CEACAM8: variants seen among roughly 807,000 people sequenced by gnomAD.
The protein encoded by CEACAM8 is CEA cell adhesion molecule 8.
CEACAM8 carries 31 observed loss-of-function variants against 33.4 expected under a neutral mutation model. The observed-to-expected ratio is 0.93, with a 90% CI of 0.70 to 1.25. The LOEUF is 1.25. Ranked by LOEUF, CEACAM8 falls within the 50% of genes most tolerant of loss-of-function variation. The pLI is 0.00. For missense variants in CEACAM8, 388 were observed against 434.6 expected, an observed-to-expected ratio of 0.89 and a Z score of 0.95; for synonymous variants, 138 against 164.5, an observed-to-expected ratio of 0.84 and a Z score of 1.23.
chr19:42,581,146 T>C lies in CEACAM8; in HGVS notation c.*248A>G, dbSNP rs2042252976. 6.6e-6 allele frequency: 1 copy of C among 152,150 alleles called. No individual in the cohort carries two copies. Among genetic ancestry groups the C allele is most frequent in the South Asian group, 2.1e-4 (1 of 4,826 alleles). The allele number at this position is 152,150 out of a possible 1,614,324, so 9.4% of individuals were successfully genotyped here. The stretch of plus-strand genomic sequence containing the variant: ...ATTATTTAGTTCAATGAAATTCATG[T>C]TTTTTTCCTTCTGTGTTTTGGTGGG... On this transcript the variant is annotated 3_prime_UTR_variant, in exon 6 of 6. Transcript: ENST00000244336.
At chr19:42,582,549 T>C (rs1464516724) in intron 5 of CEACAM8, among the ~76,000 whole-genome samples, 6 of 152,158 alleles carry the variant, frequency 3.9e-5, no homozygotes, top group Non-Finnish European at 8.8e-5. Flanking sequence ...CAGAGGTTGC[T>C]TGCTTTGAAG....
chr19:42,593,361 A>C (rs916488331), intron 2 of CEACAM8, among the ~76,000 whole-genome samples, 180 bp downstream of exon 2: 4 of 152,196 alleles, frequency 2.6e-5, no homozygotes, highest in African/African-American at 9.6e-5. Context: ...GTCTGGATGC[A>C]GGAAAGGAAT....
chr19:42,588,194 C>G (rs2042368938), intron 4 of CEACAM8, among the ~76,000 whole-genome samples: 1 of 152,138 alleles, frequency 6.6e-6, no homozygotes, highest in Non-Finnish European at 1.5e-5. Context: ...CAACTGGCAA[C>G]TTGATTTAGC....
intron 1 of CEACAM8, 58 bp downstream of exon 1, chr19:42,594,706 AC>A: frequency 7.1e-7 from 1 of 1,402,480 alleles, no homozygotes; most frequent in Non-Finnish European, 1.0e-6. Flanking sequence ...TCCCCAGGAG[AC>A]CCCAGCCAGT....
At chr19:42,581,941 A>ATATATG (rs2042267602) in intron 5 of CEACAM8, among the ~76,000 whole-genome samples, 1 of 127,790 alleles carries the variant, frequency 7.8e-6, no homozygotes, top group South Asian at 2.7e-4. Context: ...ATATATATAT[A>ATATATG]TATATAAAAT....
intron 4 of CEACAM8, among the ~76,000 whole-genome samples, chr19:42,584,203 T>TACACACACACACACAC (rs568291319): frequency 2.2e-4 from 33 of 149,132 alleles, no homozygotes; most frequent in African/African-American, 7.9e-4. Context: ...AGATACCTTT[T>TACACACACACACACAC]ACACACACAC....
intron 4 of CEACAM8, among the ~76,000 whole-genome samples, chr19:42,587,925 C>T (rs1305293547): frequency 6.6e-6 from 1 of 152,174 alleles, no homozygotes; most frequent in Non-Finnish European, 1.5e-5. Context: ...ATTGCTTGAA[C>T]CCAGGAGGCG....
At chr19:42,584,359 T>TA (rs1190528187) in intron 4 of CEACAM8, among the ~76,000 whole-genome samples, 1 of 152,254 alleles carries the variant, frequency 6.6e-6, no homozygotes, top group Non-Finnish European at 1.5e-5. Context: ...GGCCCTGTGC[T>TA]AAATACTTTA....
chr19:42,582,721 G>A (rs771257087), intron 5 of CEACAM8, among the ~76,000 whole-genome samples: 42 of 152,148 alleles, frequency 2.8e-4, no homozygotes, highest in Non-Finnish European at 1.0e-4. Context: ...AGGGAGTAGA[G>A]GGAATGGAAG....
Position 42,593,887 on chromosome 19 carries a change from G to A in CEACAM8, c.78C>T (p.Thr26=), listed in dbSNP as rs138559887. Residue 26 remains threonine (T), a synonymous_variant, in exon 2 of 6, where the codon ACC becomes ACT. Coordinates refer to ENST00000244336, the MANE Select transcript of CEACAM8 (RefSeq NM_001816.4). ...QGLLLTASLF[T]FWNPPTTAQL... is the part of the protein sequence containing the mutation. ...GAGCAGTGGTGGGCGGGTTCCAGAA[G>A]GTGAAAAGTGAGGCTAGGAGGGGGA... 367 of 1,589,068 alleles carry A rather than the reference G, an allele frequency of 2.3e-4. 1 individual carries two copies. In the Middle Eastern group the frequency reaches 2.4e-3, roughly 10 times the overall value.
intron 2 of CEACAM8, among the ~76,000 whole-genome samples, chr19:42,593,336 G>A (rs542680216): frequency 3.3e-5 from 5 of 152,314 alleles, no homozygotes; most frequent in South Asian, 2.1e-4. Context: ...TTCCTCTGCC[G>A]TGAGTGTCTG....
chr19:42,592,293 A>C (rs1033774030), intron 2 of CEACAM8, among the ~76,000 whole-genome samples: 1 of 151,132 alleles, frequency 6.6e-6, no homozygotes, highest in Non-Finnish European at 1.5e-5. Flanking sequence ...GTTTCTTCTC[A>C]ATAATAAGCT....
At chr19:42,592,597 CAA>C (rs922130468) in intron 2 of CEACAM8, among the ~76,000 whole-genome samples, 14 of 41,852 alleles carry the variant, frequency 3.3e-4, no homozygotes, top group East Asian at 2.1e-3. Context: ...GACTCCGTCT[CAA>C]AAAAAAAAAA....
In CEACAM8 at chr19:42,589,704, G is replaced by C; in HGVS notation, c.456C>G (p.Asn152Lys). Residue 152 changes from asparagine to lysine, a missense_variant, in exon 3 of 6, where the codon AAC (asparagine) becomes AAG (lysine). By Grantham distance (94) the Asn-to-Lys change is moderately conservative. Coordinates refer to ENST00000244336, the MANE Select transcript of CEACAM8 (RefSeq NM_001816.4). ...PETPKPSISS[N>K]NSNPVEDKDA... ...CCTTGTCCTCCACGGGGTTGGAGTTGTTGCTGGAGATGGAGGGCTTGGGAG... is the reference window on the plus strand; with the variant it reads ...CCTTGTCCTCCACGGGGTTGGAGTTCTTGCTGGAGATGGAGGGCTTGGGAG... 6.2e-7 allele frequency: 1 copy of C among 1,614,222 alleles called. No individual in the cohort carries two copies. Among genetic ancestry groups the C allele is most frequent in the Non-Finnish European group, 8.5e-7 (1 of 1,180,044 alleles).
chr19:42,589,862 G>A (rs530981185), intron 2 of CEACAM8, 127 bp from the exon 3 acceptor site: 186 of 1,541,502 alleles, frequency 1.2e-4, no homozygotes, highest in Admixed American at 2.0e-4. Context: ...CACGGTGGGT[G>A]TGTGTGTCAC....
chr19:42,585,330 C>CAAAAAAAAAAAAAAAAAAAAA (rs2042318943), intron 4 of CEACAM8, among the ~76,000 whole-genome samples: 1 of 104,200 alleles, frequency 9.6e-6, no homozygotes, highest in African/African-American at 4.4e-5. Context: ...AAAAAAAAAA[C>CAAAAAAAAAAAAAAAAAAAAA]AAACAAAAAA....
rs983093837 is a variant in CEACAM8, at chr19:42,580,305, GAC to G, written c.*1087_*1088del. The G allele has an allele frequency of 1.7e-4, 26 of 152,184 alleles. No homozygotes were observed. Among genetic ancestry groups the G allele is most frequent in the Admixed American group, 1.7e-3 (26 of 15,270 alleles). 9.4% of individuals were successfully genotyped at this position (152,184 alleles called of 1,614,324 possible). ...TGCATGCCTGGGTTAAATTAAAACA[GAC>G]AGTGAGAACAAGTGAGTCTAGGAGT... is the stretch of plus-strand genomic sequence containing the variant. On this transcript the variant is annotated 3_prime_UTR_variant, in exon 6 of 6. Transcript: ENST00000244336.
At chr19:42,590,989 G>A (rs1253818019) in intron 2 of CEACAM8, among the ~76,000 whole-genome samples, 2 of 152,208 alleles carry the variant, frequency 1.3e-5, no homozygotes, top group East Asian at 3.8e-4. Flanking sequence ...TCTCAAATCT[G>A]AAAATCCCAA....
At position 42,589,546 on chromosome 19, in the gene CEACAM8, A is replaced by T. The variant is rs754846441; in HGVS notation, c.614T>A (p.Val205Asp). ...ATAGGGTCCTACGTCATTCCTTGTG[A>T]CACTGAGTAGAGTGAGGGTCCTGTT... ...NGNRTLTLLS[V>D]TRNDVGPYEC... is the part of the protein sequence containing the mutation. The change falls in exon 3 of 6, where the codon GTC becomes GAC. Residue 205 changes from valine (V) to aspartate (D), a missense_variant. Coordinates refer to ENST00000244336, the MANE Select transcript of CEACAM8 (RefSeq NM_001816.4). 3 of 1,614,158 alleles carry T rather than the reference A, an allele frequency of 1.9e-6. No individual in the cohort carries two copies. In the East Asian group the frequency reaches 6.7e-5, roughly 36 times the overall value.
Sources: allele counts gnomAD v4.1 joint callset (sites outside exome capture counted in the v4.1 genomes callset), GRCh38; gene constraint gnomAD v4.1.1; transcripts MANE v1.5; gene names NCBI Gene and HGNC (gene_info 2026-07-23, HGNC 2026-07-21).